Variants in RALYL observed in about 807,000 individuals in gnomAD.
RALYL encodes RNA-binding Raly-like protein.
In RALYL, 29 loss-of-function variants were observed where a neutral mutation model predicts 35.1. The ratio of observed to expected loss-of-function variants is 0.83; its 90% CI spans 0.61 to 1.13. The LOEUF is 1.13. Ranked by LOEUF, RALYL falls within the 50% of genes most tolerant of loss-of-function variation. The pLI is 0.00. For synonymous variants in RALYL, 120 were observed against 127.6 expected (o/e 0.94, Z 0.40); for missense variants, 359 against 360.4 (o/e 1.00, Z 0.03).
At chr8:84,461,960 C>A (rs2050840561) in intron 1 of RALYL, among the ~76,000 whole-genome samples, 1 of 151,600 alleles carries the variant, frequency 6.6e-6, no homozygotes, top group Non-Finnish European at 1.5e-5. Flanking sequence ...GTTATACTTT[C>A]TGTGAGTTTT....
chr8:84,411,925 C>G (rs1186987973), intron 1 of RALYL, among the ~76,000 whole-genome samples: 2 of 151,860 alleles, frequency 1.3e-5, no homozygotes, highest in Non-Finnish European at 1.5e-5. Context: ...TTAAACTTGC[C>G]TCTGTATCCT....
chr8:84,649,920 A>G (rs1004430070), intron 2 of RALYL, among the ~76,000 whole-genome samples: 15 of 152,060 alleles, frequency 9.9e-5, no homozygotes, highest in East Asian at 3.9e-4. Flanking sequence ...TGAGCATGGA[A>G]TGTTCTTCCA....
At chr8:84,268,354 A>G (rs776465290) in intron 1 of RALYL, among the ~76,000 whole-genome samples, 7 of 152,164 alleles carry the variant, frequency 4.6e-5, no homozygotes, top group Non-Finnish European at 8.8e-5. Context: ...GCATACTTGA[A>G]ATCACCTCCA....
intron 8 of RALYL, among the ~76,000 whole-genome samples, chr8:84,890,711 A>C (rs1034725999): frequency 7.9e-5 from 12 of 152,288 alleles, no homozygotes; most frequent in Admixed American, 7.2e-4. Context: ...TCACGTTATC[A>C]ATCTGCCTTT....
At chr8:84,858,446 T>C (rs1837477443) in intron 5 of RALYL, among the ~76,000 whole-genome samples, 1 of 152,098 alleles carries the variant, frequency 6.6e-6, no homozygotes, top group Non-Finnish European at 1.5e-5. Context: ...TAGGGAAAAT[T>C]AAGGGCTATT....
chr8:84,871,936 T>C (rs1454631385), intron 6 of RALYL, among the ~76,000 whole-genome samples: 1 of 127,840 alleles, frequency 7.8e-6, no homozygotes, highest in East Asian at 1.9e-4. Context: ...CATTTTGTTT[T>C]TGTTTTTTTA....
chr8:84,223,543 G>A (rs921141402), intron 1 of RALYL, among the ~76,000 whole-genome samples: 1 of 152,150 alleles, frequency 6.6e-6, no homozygotes, highest in Non-Finnish European at 1.5e-5. Context: ...AAATAGCAGG[G>A]TGTTGCACCA....
rs187047622 is a variant in RALYL, at chr8:84,379,841, G to A, written c.-23-149458G>A. Among the ~76,000 whole-genome samples, 3 of 149,886 alleles carry A rather than the reference G, an allele frequency of 2.0e-5. No homozygotes were observed. The East Asian group carries it at 5.9e-4, about 29-fold the overall frequency. ...ATATGCCAAATCTGGAAACATCTTAGCTTTGGTTTCTCTCAAGCTCAAAAA... is the reference window on the plus strand; with the variant it reads ...ATATGCCAAATCTGGAAACATCTTAACTTTGGTTTCTCTCAAGCTCAAAAA... On this transcript the variant is annotated intron_variant, in intron 1 of 8. Coordinates refer to ENST00000521268, the MANE Select transcript of RALYL (RefSeq NM_173848.7).
chr8:84,562,581 T>C (rs1210925947), intron 2 of RALYL, among the ~76,000 whole-genome samples: 1 of 151,856 alleles, frequency 6.6e-6, no homozygotes, highest in Non-Finnish European at 1.5e-5. Flanking sequence ...TCCTAAAAAA[T>C]GGAACAGATG....
At chr8:84,695,878 A>C (rs933587843) in intron 2 of RALYL, among the ~76,000 whole-genome samples, 1 of 151,796 alleles carries the variant, frequency 6.6e-6, no homozygotes, top group Non-Finnish European at 1.5e-5. Flanking sequence ...CTAATGCTTA[A>C]TTATTGTTAC....
intron 1 of RALYL, among the ~76,000 whole-genome samples, chr8:84,370,076 C>T (rs1236947868): frequency 2.0e-5 from 3 of 152,094 alleles, no homozygotes; most frequent in Non-Finnish European, 4.4e-5. Context: ...ATGCTTTACA[C>T]AGCCACGTAA....
At chr8:84,396,020 C>T (rs1172084271) in intron 1 of RALYL, among the ~76,000 whole-genome samples, 1 of 151,872 alleles carries the variant, frequency 6.6e-6, no homozygotes, top group Non-Finnish European at 1.5e-5. Context: ...TAAATACATT[C>T]ATTTTAGCAT....
chr8:84,675,770 G>T (rs1834069554), intron 2 of RALYL, among the ~76,000 whole-genome samples: 1 of 152,076 alleles, frequency 6.6e-6, no homozygotes, highest in Non-Finnish European at 1.5e-5. Context: ...ATAGACGTTA[G>T]ATCGTCTTCT....
chr8:84,351,544 T>C (rs1850884103), intron 1 of RALYL, among the ~76,000 whole-genome samples: 1 of 149,754 alleles, frequency 6.7e-6, no homozygotes, highest in African/African-American at 2.5e-5. Context: ...GAATTATCCC[T>C]ACCATGTGGC....
chr8:84,280,220 A>G (rs1393219528), intron 1 of RALYL, among the ~76,000 whole-genome samples: 1 of 152,200 alleles, frequency 6.6e-6, no homozygotes, highest in African/African-American at 2.4e-5. Flanking sequence ...GTATATTTCA[A>G]TTTGCCCTTG....
intron 5 of RALYL, among the ~76,000 whole-genome samples, chr8:84,856,196 A>G (rs921377104): frequency 8.5e-5 from 13 of 152,234 alleles, no homozygotes; most frequent in Admixed American, 7.9e-4. Flanking sequence ...CTAGATGCAC[A>G]TGTGTTGACT....
At chr8:84,578,134 G>T (rs753577937) in intron 2 of RALYL, among the ~76,000 whole-genome samples, 1 of 152,220 alleles carries the variant, frequency 6.6e-6, no homozygotes, top group Non-Finnish European at 1.5e-5. Context: ...AAGTGAGTGA[G>T]CAAAAGGTCT....
At chr8:84,445,454 A>G (rs1205784722) in intron 1 of RALYL, among the ~76,000 whole-genome samples, 1 of 151,878 alleles carries the variant, frequency 6.6e-6, no homozygotes, top group Non-Finnish European at 1.5e-5. Context: ...TTCATCGCAC[A>G]CTGCCAGAAC....
intron 1 of RALYL, among the ~76,000 whole-genome samples, chr8:84,278,628 C>T (rs1183611436): frequency 6.6e-6 from 1 of 152,152 alleles, no homozygotes; most frequent in Non-Finnish European, 1.5e-5. Flanking sequence ...TACCCTAAAT[C>T]GTCTCTCTCA....
Sources: gnomAD v4.1 joint callset for allele counts (sites outside exome capture counted in the v4.1 genomes callset) on GRCh38, gnomAD v4.1.1 for gene constraint, MANE v1.5 for transcripts, NCBI Gene and HGNC (gene_info 2026-07-23, HGNC 2026-07-21) for gene names.